Variants in KHDRBS2 observed in about 807,000 individuals in gnomAD.
KHDRBS2 encodes the protein KH RNA binding domain containing, signal transduction associated 2.
Under a neutral mutation model 44.3 loss-of-function variants are expected in KHDRBS2, and 26 were observed. That is an observed-to-expected ratio of 0.59 (90% confidence interval 0.43 to 0.81). The LOEUF (loss-of-function observed/expected upper bound fraction) is 0.81, where lower values mean the gene tolerates loss of function less well. Ranked by LOEUF, KHDRBS2 falls within the 40% of genes least tolerant of loss-of-function variation. KHDRBS2 has a pLI of 0.00. For missense variants in KHDRBS2, 476 were observed against 433.1 expected, an observed-to-expected ratio of 1.10 and a Z score of -0.88; for synonymous variants, 194 against 151.1, an observed-to-expected ratio of 1.28 and a Z score of -2.08.
At chr6:62,230,101 T>C (rs1832658218) in intron 1 of KHDRBS2, among the ~76,000 whole-genome samples, 1 of 152,220 alleles carries the variant, frequency 6.6e-6, no homozygotes, top group Non-Finnish European at 1.5e-5. Flanking sequence ...AAAATCTGAA[T>C]GTAGTATGTC....
chr6:62,201,075 G>C (rs1826876407), intron 1 of KHDRBS2, among the ~76,000 whole-genome samples: 3 of 152,080 alleles, frequency 2.0e-5, no homozygotes, highest in Non-Finnish European at 4.4e-5. Flanking sequence ...TCACACACTG[G>C]GGCCTGTTTG....
intron 4 of KHDRBS2, among the ~76,000 whole-genome samples, chr6:61,967,053 TA>T (rs141464992): frequency 0.022 from 3,383 of 151,906 alleles, 138 homozygotes; most frequent in African/African-American, 0.078. Flanking sequence ...GAGATAAATT[TA>T]AAAAAATAGA....
intron 2 of KHDRBS2, among the ~76,000 whole-genome samples, chr6:62,109,633 A>G (rs892724913): frequency 2.0e-5 from 3 of 152,024 alleles, no homozygotes; most frequent in Middle Eastern, 3.2e-3. Flanking sequence ...AGTGGCAATG[A>G]ACAATTGAAA....
At chr6:61,732,847 T>C in intron 6 of KHDRBS2, 83 bp from the exon 7 acceptor site, 1 of 776,672 alleles carries the variant, frequency 1.3e-6, no homozygotes. Flanking sequence ...TTTTATACAA[T>C]GTGATCTTGG....
At chr6:62,142,425 G>A (rs1249723177) in intron 2 of KHDRBS2, among the ~76,000 whole-genome samples, 4 of 152,008 alleles carry the variant, frequency 2.6e-5, no homozygotes, top group South Asian at 2.1e-4. Context: ...AGATTTCAAT[G>A]AGAACCTTTA....
At chr6:61,938,725 C>G (rs1211152379) in intron 4 of KHDRBS2, among the ~76,000 whole-genome samples, 1 of 152,120 alleles carries the variant, frequency 6.6e-6, no homozygotes, top group Non-Finnish European at 1.5e-5. Flanking sequence ...GTATTTACAT[C>G]TCCTTTTGTC....
intron 1 of KHDRBS2, among the ~76,000 whole-genome samples, chr6:62,213,132 A>T (rs1829367911): frequency 6.6e-6 from 1 of 152,164 alleles, no homozygotes. Flanking sequence ...CAGAAGGGGA[A>T]ATTTTAATCC....
At position 61,935,753 on chromosome 6, in the gene KHDRBS2, T is replaced by C. The variant is rs549448138; in HGVS notation, c.484-34382A>G. 1.8e-4 allele frequency among the ~76,000 whole-genome samples: 27 copies of C among 152,202 alleles called. No individual in the cohort carries two copies. The East Asian group carries it at 4.6e-3, about 26-fold the overall frequency. Reference sequence around the variant, plus strand: ...TACTCATTTTAAAGTTAGTGAAATATGAGAAATAGTAAGATAAAACCCATT... The same window carrying C: ...TACTCATTTTAAAGTTAGTGAAATACGAGAAATAGTAAGATAAAACCCATT... On this transcript the variant is annotated intron_variant, in intron 4 of 8. Transcript: ENST00000281156.
the KHDRBS2 span, among the ~76,000 whole-genome samples, chr6:61,621,091 C>A: frequency 4.6e-5 from 7 of 152,246 alleles, no homozygotes; most frequent in Admixed American, 2.6e-4. Context: ...TATGATGGGG[C>A]TGGGGACTAC....
rs566282142 is a variant in KHDRBS2 at position 62,255,441 on chromosome 6, A to G, written c.91+30417T>C. Reference sequence around the variant, plus strand: ...TGAGGTAGATACTATTGCTATCTCCATCTTATGGATGTAACACTAAGAAAC... The same window carrying G: ...TGAGGTAGATACTATTGCTATCTCCGTCTTATGGATGTAACACTAAGAAAC... On this transcript the variant is annotated intron_variant, in intron 1 of 8. Transcript: ENST00000281156. 9.2e-5 allele frequency among the ~76,000 whole-genome samples: 14 copies of G among 152,200 alleles called. No homozygotes were observed. In the South Asian group the frequency reaches 2.7e-3, roughly 29 times the overall value.
chr6:61,954,876 G>GTGTATACA (rs376049213), intron 4 of KHDRBS2, among the ~76,000 whole-genome samples: 9,432 of 26,288 alleles, frequency 0.36, 3,112 homozygotes, highest in African/African-American at 0.64. Flanking sequence ...ATACATATGT[G>GTGTATACA]TATATATGTA....
chr6:61,626,931 A>AAC, the KHDRBS2 span, among the ~76,000 whole-genome samples: 1 of 151,826 alleles, frequency 6.6e-6, no homozygotes, highest in Non-Finnish European at 1.5e-5. Flanking sequence ...GCTAAGAGTT[A>AAC]CCTCAAATTC....
At chr6:62,013,627 T>G (rs1780697563) in intron 3 of KHDRBS2, among the ~76,000 whole-genome samples, 1 of 152,144 alleles carries the variant, frequency 6.6e-6, no homozygotes, top group Non-Finnish European at 1.5e-5. Context: ...AAGTTGAGGA[T>G]TATTATGAAC....
intron 2 of KHDRBS2, among the ~76,000 whole-genome samples, chr6:62,160,189 A>T (rs1286400292): frequency 6.6e-6 from 1 of 152,186 alleles, no homozygotes. Context: ...ACATTCTGAC[A>T]TGAAGAGACC....
intron 6 of KHDRBS2, among the ~76,000 whole-genome samples, chr6:61,801,047 C>G (rs932172834): frequency 2.6e-5 from 4 of 152,156 alleles, no homozygotes; most frequent in African/African-American, 9.7e-5. Context: ...AGGATGATAA[C>G]AGGAGCAATA....
chr6:61,996,765 C>G (rs536156821), intron 3 of KHDRBS2, among the ~76,000 whole-genome samples: 4 of 152,062 alleles, frequency 2.6e-5, no homozygotes, highest in Admixed American at 1.3e-4. Context: ...TAAACATACA[C>G]ACTCTCTTTT....
chr6:62,090,587 A>T (rs1424934501), intron 2 of KHDRBS2, among the ~76,000 whole-genome samples: 8 of 151,438 alleles, frequency 5.3e-5, no homozygotes, highest in African/African-American at 7.3e-5. Context: ...TACTTATTTA[A>T]TTTTTTTTAA....
intron 2 of KHDRBS2, among the ~76,000 whole-genome samples, chr6:62,157,346 G>C (rs1816681057): frequency 6.6e-6 from 1 of 151,954 alleles, no homozygotes; most frequent in Non-Finnish European, 1.5e-5. Flanking sequence ...GGTAAGTTAA[G>C]CCCAATGTGC....
At chr6:62,169,195 A>G (rs778796027) in intron 2 of KHDRBS2, among the ~76,000 whole-genome samples, 19 of 146,550 alleles carry the variant, frequency 1.3e-4, no homozygotes, top group East Asian at 8.0e-4. Context: ...ATACGTATAC[A>G]TATATGTATA....
Sources: allele counts gnomAD v4.1 joint callset (sites outside exome capture counted in the v4.1 genomes callset), GRCh38; gene constraint gnomAD v4.1.1; transcripts MANE v1.5; gene names NCBI Gene and HGNC (gene_info 2026-07-23, HGNC 2026-07-21).